Variants in DDX5 observed in about 807,000 individuals in gnomAD.
DDX5 encodes DEAD-box helicase 5.
A neutral mutation model predicts 68.6 loss-of-function variants in DDX5; 6 were observed. The ratio of observed to expected loss-of-function variants is 0.09; its 90% CI spans 0.05 to 0.17. The LOEUF (loss-of-function observed/expected upper bound fraction) is 0.17. Among genes scored for constraint, DDX5 ranks in the 10% least tolerant of loss-of-function variants. The pLI, the probability that DDX5 is intolerant of heterozygous loss-of-function variation, is 1.00. For synonymous variants in DDX5, 350 were observed against 247.0 expected, an observed-to-expected ratio of 1.42 and a Z score of -3.91; for missense variants, 499 against 756.1, an observed-to-expected ratio of 0.66 and a Z score of 3.99.
At chr17:64,506,689 C>G, upstream of DDX5, 1 of 392,844 alleles carries the variant, frequency 2.5e-6, no homozygotes, top group Non-Finnish European at 4.7e-6. Flanking sequence ...CCCGGACCAC[C>G]GAGAGAGCGG....
At chr17:64,506,019 G>GGGCCCCCCCCC in intron 1 of DDX5, 57 bp downstream of exon 1, 12 of 1,360,378 alleles carry the variant, frequency 8.8e-6, no homozygotes, top group African/African-American at 1.5e-5. Flanking sequence ...CCGCCACCCT[G>GGGCCCCCCCCC]ACCCGCCCTC....
At chr17:64,504,190 A>G in intron 3 of DDX5, 32 bp downstream of exon 3, 1 of 1,612,674 alleles carries the variant, frequency 6.2e-7, no homozygotes, top group Non-Finnish European at 8.5e-7. Context: ...AAACAAAAAC[A>G]CGGGTAGGTA....
intron 12 of DDX5, 47 bp downstream of exon 12, chr17:64,500,502 A>G: frequency 6.4e-7 from 1 of 1,574,176 alleles, no homozygotes; most frequent in Non-Finnish European, 8.7e-7. Flanking sequence ...ATTTGTAGAC[A>G]ACGATGTGAC....
chr17:64,506,276 GA>G lies in DDX5; in HGVS notation c.-158del. On this transcript the variant is annotated 5_prime_UTR_variant, in exon 1 of 13. Transcript: ENST00000225792. ...GAAGCTGCACTACTAGAGACCGGTA[GA>G]AATGAATGAGGTGCCGGCCGCTTTC... is the stretch of plus-strand genomic sequence containing the variant. The G allele has an allele frequency of 6.5e-7, 1 of 1,535,354 alleles. No individual in the cohort carries two copies. The highest frequency in any genetic ancestry group is 8.8e-7 in the Non-Finnish European group (1 of 1,141,080).
intron 5 of DDX5, 66 bp downstream of exon 5, chr17:64,503,737 C>T (rs2038355071): frequency 1.9e-6 from 3 of 1,556,718 alleles, no homozygotes; most frequent in Non-Finnish European, 2.6e-6. Flanking sequence ...ATGATTACAT[C>T]TTTAGCTATG....
At chr17:64,501,596 C>CAA (rs1357744994) in intron 11 of DDX5, 1 of 181,762 alleles carries the variant, frequency 5.5e-6, no homozygotes, top group Non-Finnish European at 1.1e-5. Context: ...CACTGAAACT[C>CAA]AAAGACCCAC....
rs782540642 is a variant in DDX5, at chr17:64,502,148, T to C, written c.1156+14A>G. On this transcript the variant is annotated intron_variant, in intron 10 of 12. Coordinates refer to ENST00000225792, the MANE Select transcript of DDX5 (RefSeq NM_004396.5). ...TTAAGTAAGGGGGAAAAATACTTCA[T>C]TTGAAATATTTACCATTTAGAACCC... is the stretch of plus-strand genomic sequence containing the variant. 1 of 1,613,694 alleles carries C rather than the reference T, an allele frequency of 6.2e-7. No individual in the cohort carries two copies. Among genetic ancestry groups the C allele is most frequent in the Non-Finnish European group, 8.5e-7 (1 of 1,179,612 alleles).
At chr17:64,502,845 AAAC>A (rs2038334146) in intron 8 of DDX5, 78 bp downstream of exon 8, 31 of 1,388,908 alleles carry the variant, frequency 2.2e-5, no homozygotes, top group Non-Finnish European at 2.6e-5. Context: ...AAATAACCTA[AAAC>A]AACTCACCAA....
intron 11 of DDX5, 119 bp from the exon 12 acceptor site, chr17:64,500,892 A>T: frequency 1.4e-6 from 1 of 708,236 alleles, no homozygotes; most frequent in Non-Finnish European, 2.4e-6. Flanking sequence ...GCTGCAAAAA[A>T]TACAGTTAAA....
chr17:64,503,398 C>A (rs782492309), intron 6 of DDX5, 32 bp downstream of exon 6: 2 of 1,613,884 alleles, frequency 1.2e-6, no homozygotes, highest in Non-Finnish European at 1.7e-6. Flanking sequence ...TATTTAGCAC[C>A]AATGACAAAT....
intron 11 of DDX5, chr17:64,501,727 C>T (rs1247188220): frequency 4.3e-6 from 2 of 467,012 alleles, no homozygotes; most frequent in East Asian, 3.6e-5. Flanking sequence ...TCGGAGAGAA[C>T]AGTTTACGGG....
chr17:64,503,266 G>A lies in DDX5; in HGVS notation c.732C>T (p.Tyr244=), dbSNP rs782152578. 6 of 1,614,076 alleles carry A rather than the reference G, an allele frequency of 3.7e-6. No homozygotes were observed. The highest frequency in any genetic ancestry group is 5.1e-6 in the Non-Finnish European group (6 of 1,180,036). ...CGKTNLRRTT[Y]LVLDEADRML... ...TTCTATCTGCTTCATCAAGGACAAG[G>A]TAGGTTGTTCTTCTCAGATTGGTTT... is the stretch of plus-strand genomic sequence containing the variant. Residue 244 remains tyrosine (Y), a synonymous_variant, in exon 7 of 13, where the codon TAC becomes TAT. Transcript: ENST00000225792.
chr17:64,505,759 C>T (rs1555672237), intron 1 of DDX5: 23 of 1,536,112 alleles, frequency 1.5e-5, no homozygotes, highest in Middle Eastern at 1.7e-4. Context: ...ACAGATGTTC[C>T]TTCGTCTGCC....
In DDX5 at chr17:64,504,658, G is replaced by A. The variant is rs781919073; in HGVS notation, c.210+19C>T. The stretch of plus-strand genomic sequence containing the variant: ...CACGATCGAGTTACAGCCTGATGAA[G>A]CCACATGAATTTACTCACTGCTGTG... On this transcript the variant is annotated intron_variant, in intron 2 of 12. Transcript: ENST00000225792. 31 of 1,591,600 alleles carry A rather than the reference G, an allele frequency of 1.9e-5. No homozygotes were observed. The highest frequency in any genetic ancestry group is 2.4e-5 in the Non-Finnish European group (28 of 1,171,776).
Position 64,499,871 on chromosome 17 carries a change from CAATAT to C in DDX5, c.*47_*51del. On this transcript the variant is annotated 3_prime_UTR_variant, in exon 13 of 13. Transcript: ENST00000225792. ...AATAACTATCTTGTCAGATAACACA[CAATAT>C]AAAGAGCAATTATGAAAAACAGACA... The C allele has an allele frequency of 1.4e-6, 2 of 1,473,380 alleles. No homozygotes were observed. Among genetic ancestry groups the C allele is most frequent in the Non-Finnish European group, 1.8e-6 (2 of 1,102,068 alleles). The allele number at this position is 1,473,380 out of a possible 1,614,324, so 91.3% of individuals were successfully genotyped here.
chr17:64,506,359 C>T (rs2038523431), upstream of DDX5: 1 of 1,438,462 alleles, frequency 7.0e-7, no homozygotes, highest in South Asian at 1.4e-5. Context: ...CGCTGGGAGC[C>T]GCTCTATGAC....
Position 64,506,249 on chromosome 17 carries a change from C to A in DDX5, c.-130G>T. ...GGAGGAAGGACACCGATGACACCAG[C>A]CGAAGCTGCACTACTAGAGACCGGT... On this transcript the variant is annotated 5_prime_UTR_variant, in exon 1 of 13. Coordinates refer to ENST00000225792, the MANE Select transcript of DDX5 (RefSeq NM_004396.5). 3 of 1,548,098 alleles carry A rather than the reference C, an allele frequency of 1.9e-6. No individual in the cohort carries two copies. Among genetic ancestry groups the A allele is most frequent in the Non-Finnish European group, 2.6e-6 (3 of 1,147,076 alleles).
chr17:64,505,640 G>A (rs1555672150), intron 1 of DDX5: 29 of 1,226,504 alleles, frequency 2.4e-5, no homozygotes, highest in Non-Finnish European at 3.3e-5. Flanking sequence ...CCACATGGCT[G>A]ATGCCGGCCG....
rs1275633326 is a variant in DDX5, at chr17:64,506,173, A to C, written c.-54T>G. On this transcript the variant is annotated 5_prime_UTR_variant, in exon 1 of 13. Coordinates refer to ENST00000225792, the MANE Select transcript of DDX5 (RefSeq NM_004396.5). ...CGAAGTATATAGAAAAGCGTGCGAC[A>C]AGTCGCTGGAAATGGCCTCGATGAC... is the stretch of plus-strand genomic sequence containing the variant. 6.3e-7 allele frequency: 1 copy of C among 1,593,176 alleles called. No homozygotes were observed. Among genetic ancestry groups the C allele is most frequent in the Non-Finnish European group, 8.5e-7 (1 of 1,170,008 alleles).
Sources: allele counts gnomAD v4.1 joint callset, GRCh38; gene constraint gnomAD v4.1.1; transcripts MANE v1.5; gene names NCBI Gene and HGNC (gene_info 2026-07-23, HGNC 2026-07-21).